The following TACC1 variants were observed in gnomAD, a reference collection of about 807,000 sequenced individuals.
TACC1 encodes transforming acidic coiled-coil containing protein 1.
In TACC1, 48 loss-of-function variants were observed where a neutral mutation model predicts 84.4. The ratio of observed to expected loss-of-function variants is 0.57; its 90% CI spans 0.45 to 0.72. The LOEUF is 0.72. Ranked by LOEUF, TACC1 falls within the 30% of genes least tolerant of loss-of-function variation. The pLI, the probability that TACC1 is intolerant of heterozygous loss-of-function variation, is 0.00. For synonymous variants in TACC1, 372 were observed against 376.3 expected (o/e 0.99, Z 0.13); for missense variants, 920 against 973.0 (o/e 0.95, Z 0.72).
At position 38,787,552 on chromosome 8, in the gene TACC1, C is replaced by T. The variant is rs1563477521; in HGVS notation, c.-31C>T. 3 of 1,527,608 alleles carry T rather than the reference C, an allele frequency of 2.0e-6. No homozygotes were observed. The highest frequency in any genetic ancestry group is 1.4e-5 in the African/African-American group (1 of 70,778). 94.6% of individuals were successfully genotyped at this position (1,527,608 alleles called of 1,614,324 possible). Reference sequence around the variant, plus strand: ...GGCTCTCCCCACCCATTCCCCTGCCCCTAGGAGCTGGAGCCGGAGGAGCCG... The same window carrying T: ...GGCTCTCCCCACCCATTCCCCTGCCTCTAGGAGCTGGAGCCGGAGGAGCCG... On this transcript the variant is annotated 5_prime_UTR_variant, in exon 1 of 13. Coordinates refer to ENST00000317827, the MANE Select transcript of TACC1 (RefSeq NM_006283.3).
chr8:38,783,078 C>T (rs571808457), upstream of TACC1, among the ~76,000 whole-genome samples: 35 of 94,732 alleles, frequency 3.7e-4, no homozygotes, highest in East Asian at 0.015. Context: ...ATCTATCTAT[C>T]TATCTATCTA....
At chr8:38,810,352 G>T (rs1823791459) in intron 2 of TACC1, among the ~76,000 whole-genome samples, 1 of 151,982 alleles carries the variant, frequency 6.6e-6, no homozygotes, top group African/African-American at 2.4e-5. Flanking sequence ...TGTAGTCTTA[G>T]CATTTTGGGA....
chr8:38,759,427 G>A (rs1786568843), intron 3 of TACC1, among the ~76,000 whole-genome samples: 1 of 152,258 alleles, frequency 6.6e-6, no homozygotes, highest in African/African-American at 2.4e-5. Context: ...TTCACTGACT[G>A]TATGCTGAAG....
chr8:38,821,914 A>G (rs766576067), intron 3 of TACC1, among the ~76,000 whole-genome samples: 4 of 152,132 alleles, frequency 2.6e-5, no homozygotes, highest in Non-Finnish European at 4.4e-5. Context: ...ACAACCCTGT[A>G]CAGCACATTA....
rs1832714515 is a variant in TACC1, at chr8:38,848,666, A to G, written c.*643A>G. 1 of 152,640 alleles carries G rather than the reference A, an allele frequency of 6.6e-6. No individual in the cohort carries two copies. Among genetic ancestry groups the G allele is most frequent in the South Asian group, 2.1e-4 (1 of 4,828 alleles). The allele number at this position is 152,640 out of a possible 1,614,324, so 9.5% of individuals were successfully genotyped here. ...TTTTGAAATAGAGTCCTGACTCAGAACACCAACTTAAGAATTTGGGGGATT... is the reference window on the plus strand; with the variant it reads ...TTTTGAAATAGAGTCCTGACTCAGAGCACCAACTTAAGAATTTGGGGGATT... On this transcript the variant is annotated 3_prime_UTR_variant, in exon 13 of 13. Coordinates refer to ENST00000317827, the MANE Select transcript of TACC1 (RefSeq NM_006283.3).
At chr8:38,810,471 C>T (rs1227887977) in intron 2 of TACC1, among the ~76,000 whole-genome samples, 1 of 151,896 alleles carries the variant, frequency 6.6e-6, no homozygotes, top group Non-Finnish European at 1.5e-5. Flanking sequence ...GGCACACTGG[C>T]TGTATGCCTG....
intron 3 of TACC1, among the ~76,000 whole-genome samples, chr8:38,772,430 T>C (rs1446065061): frequency 6.6e-6 from 1 of 152,270 alleles, no homozygotes; most frequent in African/African-American, 2.4e-5. Context: ...GGATTGCTCA[T>C]CACGGTTTCA....
chr8:38,783,870 G>A (rs1036351927), upstream of TACC1, among the ~76,000 whole-genome samples: 9 of 152,206 alleles, frequency 5.9e-5, no homozygotes, highest in African/African-American at 2.2e-4. Context: ...TTCTATAGAT[G>A]TTTGTAGTCT....
At chr8:38,810,047 C>T (rs1166980313) in intron 2 of TACC1, among the ~76,000 whole-genome samples, 1 of 152,154 alleles carries the variant, frequency 6.6e-6, no homozygotes, top group Non-Finnish European at 1.5e-5. Flanking sequence ...CTTCTATTTC[C>T]ATTGCCCAGA....
intron 5 of TACC1, among the ~76,000 whole-genome samples, chr8:38,829,833 C>A (rs188155426): frequency 6.6e-6 from 1 of 152,352 alleles, no homozygotes; most frequent in Non-Finnish European, 1.5e-5. Context: ...GCATCACAAG[C>A]AAGTGGAGGC....
chr8:38,824,052 C>T, intron 3 of TACC1: 1 of 1,351,074 alleles, frequency 7.4e-7, no homozygotes, highest in African/African-American at 1.5e-5. Context: ...TTTCTTTAGT[C>T]CCTGGGACCG....
In TACC1 at chr8:38,801,981, A is replaced by G. The variant is rs181399536; in HGVS notation, c.277+13162A>G. 3.7e-4 allele frequency among the ~76,000 whole-genome samples: 57 copies of G among 152,300 alleles called. No homozygotes were observed. The East Asian group carries it at 8.9e-3, about 24-fold the overall frequency. On this transcript the variant is annotated intron_variant, in intron 2 of 12. Coordinates refer to ENST00000317827, the MANE Select transcript of TACC1 (RefSeq NM_006283.3). The stretch of plus-strand genomic sequence containing the variant: ...CAAGCTGGATTGCAGTGATGCAAGC[A>G]TGGCTCACTGCAGCCTCAACCTCCC...
intron 7 of TACC1, among the ~76,000 whole-genome samples, chr8:38,836,708 G>A (rs191970549): frequency 1.3e-5 from 2 of 152,126 alleles, no homozygotes; most frequent in East Asian, 1.9e-4. Flanking sequence ...TCAACTCTCC[G>A]ATTCCTGTAT....
At chr8:38,758,710 G>A (rs1810633272) in intron 3 of TACC1, among the ~76,000 whole-genome samples, 2 of 144,056 alleles carry the variant, frequency 1.4e-5, no homozygotes, top group African/African-American at 2.5e-5. Flanking sequence ...AAAAAGCTGA[G>A]ATTTACTGAG....
In TACC1 at chr8:38,852,007, A is replaced by G. The variant is rs1833159011; in HGVS notation, c.*3984A>G. 2.2e-6 allele frequency: 1 copy of G among 456,012 alleles called. No individual in the cohort carries two copies. The highest frequency in any genetic ancestry group is 1.6e-5 in the South Asian group (1 of 64,472). 28.2% of individuals were successfully genotyped at this position (456,012 alleles called of 1,614,324 possible). ...AATCCTTGAGTCTCCATAGAGTAAC[A>G]GTAAAGAAACTGATGTAACAGACTC... On this transcript the variant is annotated 3_prime_UTR_variant, in exon 13 of 13. Coordinates refer to ENST00000317827, the MANE Select transcript of TACC1 (RefSeq NM_006283.3).
chr8:38,769,955 G>A (rs1489582151), intron 3 of TACC1, among the ~76,000 whole-genome samples: 5 of 151,310 alleles, frequency 3.3e-5, no homozygotes, highest in Non-Finnish European at 7.4e-5. Context: ...TGGTGTGTGT[G>A]TGTGAGAGAG....
chr8:38,839,558 C>T (rs1219297823), intron 8 of TACC1: 5 of 310,562 alleles, frequency 1.6e-5, no homozygotes, highest in Non-Finnish European at 2.4e-5. Flanking sequence ...TCTTAGAGAG[C>T]GGTAGCCATC....
Position 38,851,312 on chromosome 8 carries a change from C to G in TACC1, c.*3289C>G, listed in dbSNP as rs1430879937. The G allele has an allele frequency of 6.6e-6, 1 of 152,278 alleles. No homozygotes were observed. Among genetic ancestry groups the G allele is most frequent in the Non-Finnish European group, 1.5e-5 (1 of 68,092 alleles). 9.4% of individuals were successfully genotyped at this position (152,278 alleles called of 1,614,324 possible). A position where few individuals can be genotyped will look rare whatever the true frequency, so the allele number is the denominator to read the frequency against. On this transcript the variant is annotated 3_prime_UTR_variant, in exon 13 of 13. Coordinates refer to ENST00000317827, the MANE Select transcript of TACC1 (RefSeq NM_006283.3). ...CTACCCATACTTTGTACAACTCTTA[C>G]ACAAATACTTAGATATTTATTAGAT... is the stretch of plus-strand genomic sequence containing the variant.
At chr8:38,808,475 T>TGATC (rs1394090181) in intron 2 of TACC1, among the ~76,000 whole-genome samples, 1 of 152,230 alleles carries the variant, frequency 6.6e-6, no homozygotes, top group African/African-American at 2.4e-5. Flanking sequence ...TGCAGTGGTG[T>TGATC]GATCATAGAT....
Sources: gnomAD v4.1 joint callset for allele counts (sites outside exome capture counted in the v4.1 genomes callset) on GRCh38, gnomAD v4.1.1 for gene constraint, MANE v1.5 for transcripts, NCBI Gene and HGNC (gene_info 2026-07-23, HGNC 2026-07-21) for gene names.